SOCS6: variants seen among roughly 807,000 people sequenced by gnomAD.
SOCS6 encodes the protein suppressor of cytokine signaling 6, also known as STAT induced STAT inhibitor-4.
A neutral mutation model predicts 27.7 loss-of-function variants in SOCS6; 5 were observed. The observed-to-expected ratio is 0.18, with a 90% CI of 0.09 to 0.38. SOCS6 has a LOEUF of 0.38. Among genes scored for constraint, SOCS6 ranks in the 10% least tolerant of loss-of-function variants. The probability of loss-of-function intolerance (pLI) is 1.00; values close to 1 mark genes in which losing one functional copy is unlikely to be tolerated. For synonymous variants in SOCS6, 271 were observed against 260.0 expected (o/e 1.04, Z -0.41); for missense variants, 595 against 688.1 (o/e 0.86, Z 1.51).
chr18:70,295,496 AATG>A (rs2062319093), intron 1 of SOCS6, among the ~76,000 whole-genome samples: 1 of 152,200 alleles, frequency 6.6e-6, no homozygotes, highest in South Asian at 2.1e-4. Flanking sequence ...TGTGTATAAT[AATG>A]GTGTTTGTTT....
In SOCS6 at chr18:70,325,341, G is replaced by C; in HGVS notation, c.673G>C (p.Val225Leu). Residue 225 changes from valine (V) to leucine (L), a missense_variant, in exon 2 of 2, where the codon GTG (valine) becomes CTG (leucine). By Grantham distance (32) the Val-to-Leu change is conservative (BLOSUM62 1). Coordinates refer to ENST00000397942, the MANE Select transcript of SOCS6 (RefSeq NM_004232.4). The surrounding 1 kb of genome is among the most constrained non-coding windows in gnomAD (Gnocchi z 6.3). ...GCCTCAGGACTACATTCAGTATACT[G>C]TGCCTTTAGATGAGGGGATGTATCC... Reference protein sequence around the residue: ...LMPQDYIQYTVPLDEGMYPLE... With the variant: ...LMPQDYIQYTLPLDEGMYPLE... 6.2e-7 allele frequency: 1 copy of C among 1,614,132 alleles called. No homozygotes were observed. Among genetic ancestry groups the C allele is most frequent in the Non-Finnish European group, 8.5e-7 (1 of 1,179,986 alleles).
In SOCS6 at chr18:70,324,641, G is replaced by T; in HGVS notation, c.-28G>T. 1 of 1,425,060 alleles carries T rather than the reference G, an allele frequency of 7.0e-7. No homozygotes were observed. 88.3% of individuals were successfully genotyped at this position (1,425,060 alleles called of 1,614,324 possible). ...GGATAATATTCCAGATAGAAATATTGATCCCTTGGATTAGGTAACTAGTCA... is the reference window on the plus strand; with the variant it reads ...GGATAATATTCCAGATAGAAATATTTATCCCTTGGATTAGGTAACTAGTCA... On this transcript the variant is annotated 5_prime_UTR_variant, in exon 2 of 2. Transcript: ENST00000397942.
intron 1 of SOCS6, among the ~76,000 whole-genome samples, chr18:70,300,581 T>C (rs567408134): frequency 5.9e-5 from 9 of 152,242 alleles, no homozygotes; most frequent in Non-Finnish European, 7.3e-5. Flanking sequence ...GGAAAGTTGT[T>C]CATTGCTGGT....
intron 1 of SOCS6, among the ~76,000 whole-genome samples, chr18:70,312,190 C>A (rs544959119): frequency 6.6e-6 from 1 of 152,158 alleles, no homozygotes; most frequent in African/African-American, 2.4e-5. Context: ...CGTGAACTTA[C>A]GCAGTCTGGT....
intron 1 of SOCS6, among the ~76,000 whole-genome samples, chr18:70,310,895 T>G (rs928995636): frequency 1.3e-5 from 2 of 152,220 alleles, no homozygotes; most frequent in African/African-American, 4.8e-5. Flanking sequence ...TTTGTGACTT[T>G]GGGCAAATTA....
At chr18:70,304,312 G>T (rs1023973722) in intron 1 of SOCS6, among the ~76,000 whole-genome samples, 2 of 152,090 alleles carry the variant, frequency 1.3e-5, no homozygotes, top group South Asian at 4.1e-4. Flanking sequence ...TTTACCTGCC[G>T]TGTGATAAAT....
At chr18:70,320,731 G>A (rs1288792817) in intron 1 of SOCS6, among the ~76,000 whole-genome samples, 1 of 152,162 alleles carries the variant, frequency 6.6e-6, no homozygotes, top group Non-Finnish European at 1.5e-5. Flanking sequence ...ACTTGATATA[G>A]GGTTCTGTAC....
intron 1 of SOCS6, among the ~76,000 whole-genome samples, chr18:70,294,363 C>T (rs1224031060): frequency 6.6e-6 from 1 of 151,802 alleles, no homozygotes; most frequent in Non-Finnish European, 1.5e-5. Context: ...TGTTGTTGTT[C>T]TTTGGAGGGG....
intron 1 of SOCS6, among the ~76,000 whole-genome samples, chr18:70,312,185 A>T (rs1349563353): frequency 6.6e-6 from 1 of 152,188 alleles, no homozygotes; most frequent in Non-Finnish European, 1.5e-5. Context: ...TAGTACGTGA[A>T]CTTACGCAGT....
intron 1 of SOCS6, among the ~76,000 whole-genome samples, chr18:70,301,908 G>T (rs897295438): frequency 1.3e-5 from 2 of 152,166 alleles, no homozygotes; most frequent in African/African-American, 2.4e-5. Context: ...GTGAATTCAC[G>T]CTAGGCAAAG....
chr18:70,309,716 C>T (rs866011092), intron 1 of SOCS6, among the ~76,000 whole-genome samples: 7 of 152,126 alleles, frequency 4.6e-5, no homozygotes, highest in Non-Finnish European at 1.5e-5. Flanking sequence ...AAGAGTCTTG[C>T]TCTGTTGCCT....
At chr18:70,306,018 G>C (rs372958616) in intron 1 of SOCS6, among the ~76,000 whole-genome samples, 20 of 152,024 alleles carry the variant, frequency 1.3e-4, no homozygotes, top group African/African-American at 4.6e-4. Context: ...CTGGAGGATC[G>C]CTTGAGCCTA....
chr18:70,299,415 C>T (rs1045985754), intron 1 of SOCS6, among the ~76,000 whole-genome samples: 2 of 152,182 alleles, frequency 1.3e-5, no homozygotes, highest in Non-Finnish European at 2.9e-5. Flanking sequence ...CACGGGGGGA[C>T]GTGGAGTTTC....
intron 1 of SOCS6, among the ~76,000 whole-genome samples, chr18:70,305,123 T>C (rs1211220671): frequency 2.5e-4 from 2 of 7,870 alleles, no homozygotes; most frequent in Non-Finnish European, 4.3e-4. Context: ...AGGAGAATTG[T>C]TTGAAGCCGG....
At position 70,326,492 on chromosome 18, in the gene SOCS6, A is replaced by T. The variant is rs1244809730; in HGVS notation, c.*216A>T. On this transcript the variant is annotated 3_prime_UTR_variant, in exon 2 of 2. Transcript: ENST00000397942. ...AAAAAGGGAAGTCTTGAGGTTTTAG[A>T]GGTGTGAATTATGTTTCATCAATGT... 5.4e-6 allele frequency: 3 copies of T among 552,768 alleles called. No homozygotes were observed. 34.2% of individuals were successfully genotyped at this position (552,768 alleles called of 1,614,324 possible).
At chr18:70,298,810 A>G (rs1312860455) in intron 1 of SOCS6, among the ~76,000 whole-genome samples, 7 of 152,214 alleles carry the variant, frequency 4.6e-5, no homozygotes, top group Admixed American at 4.6e-4. Context: ...CAACACCAAC[A>G]ACCACTTCTT....
chr18:70,327,048 G>A lies in SOCS6; in HGVS notation c.*772G>A, dbSNP rs748782971. On this transcript the variant is annotated 3_prime_UTR_variant, in exon 2 of 2. Coordinates refer to ENST00000397942, the MANE Select transcript of SOCS6 (RefSeq NM_004232.4). The stretch of plus-strand genomic sequence containing the variant: ...TGTTGCCTTTTCTGTAATTAAACTC[G>A]GGTACAAATTGGCATAACATGAAAA... The A allele has an allele frequency of 3.6e-5, 6 of 166,160 alleles. No homozygotes were observed. The highest frequency in any genetic ancestry group is 7.3e-5 in the African/African-American group (3 of 41,376). The allele number at this position is 166,160 out of a possible 1,614,324, so 10.3% of individuals were successfully genotyped here.
At chr18:70,290,401 T>C (rs2062293400) in intron 1 of SOCS6, among the ~76,000 whole-genome samples, 1 of 152,254 alleles carries the variant, frequency 6.6e-6, no homozygotes, top group African/African-American at 2.4e-5. Flanking sequence ...ATTGTAATAT[T>C]TAATGCTGTG....
Position 70,292,490 on chromosome 18 carries a change from G to A in SOCS6, c.-127+3400G>A, listed in dbSNP as rs569356352. On this transcript the variant is annotated intron_variant, in intron 1 of 1. Transcript: ENST00000397942. ...CCTCCGCCAGTTGTTGGGACCACAA[G>A]TGCATGCCACCATGCCCAGCTGATT... Among the ~76,000 whole-genome samples, 5 of 152,286 alleles carry A rather than the reference G, an allele frequency of 3.3e-5. No individual in the cohort carries two copies. In the East Asian group the frequency reaches 5.8e-4, roughly 18 times the overall value.
Sources: gnomAD v4.1 joint callset for allele counts (sites outside exome capture counted in the v4.1 genomes callset) on GRCh38, gnomAD v4.1.1 for gene constraint, Gnocchi (gnomAD v3.1) non-coding constraint, MANE v1.5 for transcripts, NCBI Gene and HGNC (gene_info 2026-07-23, HGNC 2026-07-21) for gene names.